The following LIAT1 variants were observed in gnomAD, a reference collection of about 807,000 sequenced individuals.
LIAT1 encodes protein LIAT1.
At chr17:412,832 C>T in the LIAT1 span, among the ~76,000 whole-genome samples, 5,076 of 152,294 alleles carry the variant, frequency 0.033, 270 homozygotes, top group African/African-American at 0.11. Flanking sequence ...CCCAGCTCTG[C>T]CACTCGCTCA....
chr17:414,126 A>T, the LIAT1 span: 2 of 1,606,582 alleles, frequency 1.2e-6, no homozygotes, highest in South Asian at 1.1e-5. The surrounding 1 kb of genome is among the most constrained non-coding windows in gnomAD (Gnocchi z 4.1). Flanking sequence ...AAATCTACCC[A>T]CGACGCTCAC....
At chr17:411,309 G>C in the LIAT1 span, among the ~76,000 whole-genome samples, 1 of 152,134 alleles carries the variant, frequency 6.6e-6, no homozygotes, top group African/African-American at 2.4e-5. Flanking sequence ...AACACCCACA[G>C]TGAAACTAAA....
the LIAT1 span, chr17:410,455 ACCG>A: frequency 6.5e-7 from 1 of 1,539,892 alleles, no homozygotes; most frequent in Non-Finnish European, 8.7e-7. Flanking sequence ...GGGCGGCTGG[ACCG>A]CCGCGGTGGG....
At chr17:414,147 T>G in the LIAT1 span, 2 of 1,595,070 alleles carry the variant, frequency 1.3e-6, no homozygotes, top group African/African-American at 2.7e-5. The surrounding 1 kb of genome is among the most constrained non-coding windows in gnomAD (Gnocchi z 4.1). Flanking sequence ...AAACTTATAA[T>G]TCCTCCTCAC....
the LIAT1 span, chr17:410,407 C>G: frequency 6.5e-7 from 1 of 1,532,422 alleles, no homozygotes; most frequent in Admixed American, 2.0e-5. Flanking sequence ...GGCATCGGGC[C>G]TCGGGCGCCC....
the LIAT1 span, chr17:413,290 C>A: frequency 6.2e-7 from 1 of 1,614,252 alleles, no homozygotes; most frequent in Non-Finnish European, 8.5e-7. Context: ...CTGACTCCTC[C>A]ACCGTCAGCC....
At chr17:413,147 G>C in the LIAT1 span, 1 of 1,613,650 alleles carries the variant, frequency 6.2e-7, no homozygotes, top group Non-Finnish European at 8.5e-7. Flanking sequence ...CTACTCAGCA[G>C]ATAAACATCA....
the LIAT1 span, chr17:410,367 G>A: frequency 6.6e-7 from 1 of 1,508,018 alleles, no homozygotes; most frequent in Non-Finnish European, 8.8e-7. Context: ...CCCTGGCCTG[G>A]CGGTCCGCGC....
the LIAT1 span, chr17:410,702 G>A: frequency 6.7e-7 from 1 of 1,481,734 alleles, no homozygotes; most frequent in Non-Finnish European, 9.1e-7. Flanking sequence ...AGACTCTTTG[G>A]GGACCCACCC....
the LIAT1 span, chr17:413,120 A>G: frequency 3.7e-6 from 6 of 1,604,614 alleles, 1 homozygote; most frequent in South Asian, 3.3e-5. Context: ...CATTGCCACA[A>G]ACACTAACCT....
the LIAT1 span, chr17:413,198 C>T: frequency 6.2e-7 from 1 of 1,614,232 alleles, no homozygotes; most frequent in Non-Finnish European, 8.5e-7. Flanking sequence ...TTCCTCCTTT[C>T]ATGACATCTT....
At chr17:413,323 G>A in the LIAT1 span, 1 of 1,614,220 alleles carries the variant, frequency 6.2e-7, no homozygotes, top group South Asian at 1.1e-5. Context: ...CCGAAATAGA[G>A]AACCTTGCGA....
At chr17:410,607 A>G in the LIAT1 span, 1 of 1,544,668 alleles carries the variant, frequency 6.5e-7, no homozygotes, top group Non-Finnish European at 8.7e-7. Context: ...GAAGAAGAAA[A>G]AAAGGAAGAA....
chr17:410,805 G>T, the LIAT1 span, among the ~76,000 whole-genome samples: 54 of 152,108 alleles, frequency 3.6e-4, no homozygotes, highest in African/African-American at 1.3e-3. Flanking sequence ...GCACGTTGAT[G>T]CCCCAGCCCC....
the LIAT1 span, chr17:414,324 G>T: frequency 1.7e-6 from 1 of 580,742 alleles, no homozygotes. The surrounding 1 kb of genome is among the most constrained non-coding windows in gnomAD (Gnocchi z 4.1). Flanking sequence ...TTAGTGAACA[G>T]AGTTCTTTTC....
chr17:414,180 C>A, the LIAT1 span: 1 of 1,535,670 alleles, frequency 6.5e-7, no homozygotes, highest in Non-Finnish European at 8.8e-7. The surrounding 1 kb of genome is among the most constrained non-coding windows in gnomAD (Gnocchi z 4.1). Context: ...TGTTAAAAAC[C>A]ATCATCATAA....
the LIAT1 span, among the ~76,000 whole-genome samples, chr17:410,997 A>G: frequency 6.6e-6 from 1 of 152,162 alleles, no homozygotes; most frequent in African/African-American, 2.4e-5. Flanking sequence ...CCCTCCTCAC[A>G]AGACACTTTC....
At chr17:410,337 G>C in the LIAT1 span, 1 of 1,463,996 alleles carries the variant, frequency 6.8e-7, no homozygotes, top group Non-Finnish European at 8.9e-7. Flanking sequence ...AGCAGGGGTG[G>C]TCGCCATGGA....
At chr17:414,203 C>A in the LIAT1 span, 2 of 1,450,914 alleles carry the variant, frequency 1.4e-6, no homozygotes, top group African/African-American at 2.8e-5. This position sits in a 1 kb window ranked among gnomAD's most constrained non-coding sequence, Gnocchi z 4.1. Context: ...GGAAATGAGA[C>A]CCGTATCTGA....
Sources: allele counts gnomAD v4.1 joint callset (sites outside exome capture counted in the v4.1 genomes callset), GRCh38; gene constraint gnomAD v4.1.1; non-coding constraint Gnocchi (gnomAD v3.1); transcripts MANE v1.5; gene names NCBI Gene and HGNC (gene_info 2026-07-23, HGNC 2026-07-21).